The following MED24 variants were observed in gnomAD, a reference collection of about 807,000 sequenced individuals.
MED24 encodes mediator complex subunit 24.
A neutral mutation model predicts 118.8 loss-of-function variants in MED24; 74 were observed. The ratio of observed to expected loss-of-function variants is 0.62; its 90% CI spans 0.52 to 0.76. The LOEUF is 0.76. MED24 is among the 30% of genes least tolerant of loss of function. The pLI, the probability that MED24 is intolerant of heterozygous loss-of-function variation, is 0.00. For missense variants in MED24, 1,041 were observed against 1,278.9 expected, an observed-to-expected ratio of 0.81 and a Z score of 2.84; for synonymous variants, 521 against 523.9, an observed-to-expected ratio of 0.99 and a Z score of 0.08.
At chr17:40,029,655 A>T in intron 13 of MED24, 93 bp downstream of exon 13, 1 of 1,195,842 alleles carries the variant, frequency 8.4e-7, no homozygotes, top group Non-Finnish European at 1.2e-6. Context: ...AAGGAGACAG[A>T]GGTCTGTGGC....
At chr17:40,026,784 G>T (rs1982705373) in intron 17 of MED24, 38 bp from the exon 18 acceptor site, 3 of 1,611,208 alleles carry the variant, frequency 1.9e-6, no homozygotes, top group East Asian at 4.5e-5. Context: ...GGGGAGCAAG[G>T]AACGGGCTCA....
In MED24 at chr17:40,029,722, T is replaced by C. The variant is rs760708627; in HGVS notation, c.1266+26A>G. 7.5e-6 allele frequency: 12 copies of C among 1,592,276 alleles called. No individual in the cohort carries two copies. In the South Asian group the frequency reaches 1.3e-4, roughly 18 times the overall value. On this transcript the variant is annotated intron_variant, in intron 13 of 25. Coordinates refer to ENST00000394128, the MANE Select transcript of MED24 (RefSeq NM_014815.4). ...ACTGGAAAGAAGAAAGAGAAGACTG[T>C]GGTGGCCAGGGAAGGGCACACTCAC...
chr17:40,044,186 ATATT>A (rs1429302583), intron 3 of MED24, among the ~76,000 whole-genome samples: 2 of 151,138 alleles, frequency 1.3e-5, no homozygotes, highest in African/African-American at 2.4e-5. Flanking sequence ...GGCAAATTAT[ATATT>A]TATTTGTGTA....
rs1982688330 is a variant in MED24, at chr17:40,026,653, G to A, written c.1803C>T (p.Ser601=). Residue 601 remains serine (S), a synonymous_variant, in exon 18 of 26, where the codon TCC becomes TCT. Transcript: ENST00000394128. ...AWENGVLAFE[S]IQKITDNIKG... ...GCTGGGAAGGCGGGGCTACCTGGAT[G>A]GACTCGAAGGCCAGGACCCCATTCT... 12 of 1,607,484 alleles carry A rather than the reference G, an allele frequency of 7.5e-6. No homozygotes were observed. The highest frequency in any genetic ancestry group is 1.0e-5 in the Non-Finnish European group (12 of 1,176,672).
chr17:40,020,473 AGAGAAGACCCT>A (rs1460397941), intron 23 of MED24, 120 bp from the exon 24 acceptor site: 1 of 1,542,510 alleles, frequency 6.5e-7, no homozygotes, highest in South Asian at 1.2e-5. Context: ...TGGAGAGCCC[AGAGAAGACCCT>A]GAGATCAAGA....
chr17:40,032,022 C>A (rs1316763205), intron 10 of MED24, 21 bp downstream of exon 10: 14 of 1,612,532 alleles, frequency 8.7e-6, no homozygotes, highest in Admixed American at 1.7e-5. Context: ...TCCCATGCCT[C>A]CATCTCAATC....
chr17:40,027,451 C>A lies in MED24; in HGVS notation c.1462G>T (p.Val488Phe), dbSNP rs370547067. 6.2e-7 allele frequency: 1 copy of A among 1,612,334 alleles called. No homozygotes were observed. Among genetic ancestry groups the A allele is most frequent in the Non-Finnish European group, 8.5e-7 (1 of 1,179,150 alleles). The change falls in exon 16 of 26, where the codon GTC becomes TTC. Residue 488 changes from valine to phenylalanine, a missense_variant. Val to Phe is a conservative substitution (Grantham distance 50). Coordinates refer to ENST00000394128, the MANE Select transcript of MED24 (RefSeq NM_014815.4). ...GAGATGTCAAACAGCAGGGCCCGGA[C>A]GGAGGCCGGTTTGGCTGTGGAAGGA... ...GSEESTKPASVRALLFDISFL... is the reference protein window; with the variant it reads ...GSEESTKPASFRALLFDISFL...
chr17:40,043,905 C>CAAAAAAAAAAAAAAAAAAAAAAAAA (rs1555668276), intron 3 of MED24, among the ~76,000 whole-genome samples: 2 of 115,110 alleles, frequency 1.7e-5, no homozygotes, highest in Non-Finnish European at 3.7e-5. Flanking sequence ...AAAAAAAAAA[C>CAAAAAAAAAAAAAAAAAAAAAAAAA]AAAGATTTAA....
chr17:40,019,490 C>A lies in MED24; in HGVS notation c.*39G>T, dbSNP rs114099644. On this transcript the variant is annotated 3_prime_UTR_variant, in exon 26 of 26. Coordinates refer to ENST00000394128, the MANE Select transcript of MED24 (RefSeq NM_014815.4). ...CTTCCCTTGGAGGCGCCTGGGGCTG[C>A]GCCAGTCCCCAGCCCCCACTGCGGC... 1.4e-5 allele frequency: 22 copies of A among 1,545,178 alleles called. No individual in the cohort carries two copies. Among genetic ancestry groups the A allele is most frequent in the Non-Finnish European group, 2.0e-5 (22 of 1,122,700 alleles).
At chr17:40,022,908 G>T in intron 20 of MED24, 82 bp from the exon 21 acceptor site, 1 of 1,511,182 alleles carries the variant, frequency 6.6e-7, no homozygotes, top group Non-Finnish European at 9.0e-7. Flanking sequence ...CAGCATGGCT[G>T]TCCAGTAAGG....
chr17:40,049,554 G>T (rs555293993), intron 3 of MED24, among the ~76,000 whole-genome samples: 2 of 152,094 alleles, frequency 1.3e-5, no homozygotes, highest in African/African-American at 4.8e-5. Context: ...TTGAGATGGA[G>T]TCTCGCTCTG....
At chr17:40,045,798 G>C (rs1174895468) in intron 3 of MED24, among the ~76,000 whole-genome samples, 1 of 152,086 alleles carries the variant, frequency 6.6e-6, no homozygotes, top group Non-Finnish European at 1.5e-5. Flanking sequence ...TTTTTTTTGA[G>C]ACAGAGTCTC....
chr17:40,050,151 CAAAAAAAAAAA>C (rs530636875), intron 3 of MED24, among the ~76,000 whole-genome samples: 3 of 74,104 alleles, frequency 4.0e-5, no homozygotes, highest in African/African-American at 1.6e-4. Context: ...AACTCCGTCT[CAAAAAAAAAAA>C]AAAAAAAAGA....
intron 3 of MED24, among the ~76,000 whole-genome samples, chr17:40,043,905 C>CAAAAAAAAAAAAAAAAAAA (rs1555668276): frequency 7.0e-5 from 8 of 115,078 alleles, no homozygotes; most frequent in Non-Finnish European, 1.1e-4. Flanking sequence ...AAAAAAAAAA[C>CAAAAAAAAAAAAAAAAAAA]AAAGATTTAA....
intron 19 of MED24, among the ~76,000 whole-genome samples, chr17:40,024,482 C>G (rs1982412436): frequency 6.6e-6 from 1 of 152,108 alleles, no homozygotes; most frequent in Non-Finnish European, 1.5e-5. Flanking sequence ...TGCAGTGAGC[C>G]TAGATAGTGC....
At position 40,019,600 on chromosome 17, in the gene MED24, C is replaced by A. The variant is rs1462407487; in HGVS notation, c.2899G>T (p.Val967Phe). 2 of 1,610,262 alleles carry A rather than the reference C, an allele frequency of 1.2e-6. No homozygotes were observed. Among genetic ancestry groups the A allele is most frequent in the Non-Finnish European group, 1.7e-6 (2 of 1,178,088 alleles). ...KVSAMSSPKV[V>F]LAITDLSLPL... ...AGGCTGAGGTCCGTGATGGCCAGAA[C>A]CACCTTGGGGCTGGACATGGCTGAC... is the stretch of plus-strand genomic sequence containing the variant. The change falls in exon 26 of 26, where the codon GTT (valine) becomes TTT (phenylalanine). Residue 967 changes from valine to phenylalanine, a missense_variant. This residue lies in a region of MED24 where 587 missense variants were observed against 694.4 expected (regional missense o/e 0.85). Coordinates refer to ENST00000394128, the MANE Select transcript of MED24 (RefSeq NM_014815.4).
At position 40,022,789 on chromosome 17, in the gene MED24, C is replaced by T. The variant is rs760297650; in HGVS notation, c.2288G>A (p.Arg763Gln). Reference protein sequence around the residue: ...LKETRKEHTLRAVELLYSIFC... With the variant: ...LKETRKEHTLQAVELLYSIFC... ...GATGGAGTAGAGCAGCTCCACTGCC[C>T]GCAGCGTGTGCTCCTTCCGCGTCTC... is the stretch of plus-strand genomic sequence containing the variant. The change falls in exon 21 of 26, where the codon CGG becomes CAG. Residue 763 changes from arginine to glutamine, a missense_variant. Physicochemically the swap from Arg to Gln is conservative, Grantham distance 43 (BLOSUM62 1). Around this residue, in one of 3 missense-constraint regions of MED24, gnomAD observed 587 missense variants for 694.4 expected, o/e 0.85. Coordinates refer to ENST00000394128, the MANE Select transcript of MED24 (RefSeq NM_014815.4). The T allele has an allele frequency of 2.2e-5, 35 of 1,613,568 alleles. No individual in the cohort carries two copies. Among genetic ancestry groups the T allele is most frequent in the Admixed American group, 5.0e-5 (3 of 59,976 alleles).
At chr17:40,022,981 G>A in intron 20 of MED24, 150 bp downstream of exon 20, 1 of 1,348,348 alleles carries the variant, frequency 7.4e-7, no homozygotes, top group Non-Finnish European at 1.0e-6. Flanking sequence ...TCTGGCCAGA[G>A]CTCCCCAAGG....
Position 40,019,559 on chromosome 17 carries a change from C to T in MED24, c.2940G>A (p.Gln980=), listed in dbSNP as rs751680573. The change falls in exon 26 of 26, where the codon CAG becomes CAA. Residue 980 remains glutamine, a synonymous_variant. Transcript: ENST00000394128. ...ITDLSLPLGR[Q]VAAKAIAAL The stretch of plus-strand genomic sequence containing the variant: ...GTGCAGCAATGGCTTTAGCAGCCAC[C>T]TGGCGGCCCAGGGGCAGGCTGAGGT... 46 of 1,612,512 alleles carry T rather than the reference C, an allele frequency of 2.9e-5. No homozygotes were observed. In the South Asian group the frequency reaches 4.6e-4, roughly 16 times the overall value.
Sources: gnomAD v4.1 joint callset for allele counts (sites outside exome capture counted in the v4.1 genomes callset) on GRCh38, gnomAD v4.1.1 for gene constraint, gnomAD v4.1.1 regional missense constraint, MANE v1.5 for transcripts, NCBI Gene and HGNC (gene_info 2026-07-23, HGNC 2026-07-21) for gene names.